CNTN6: variants seen among roughly 807,000 people sequenced by gnomAD.
The protein encoded by CNTN6 is contactin-6.
Under a neutral mutation model 122.8 loss-of-function variants are expected in CNTN6, and 137 were observed. That is an observed-to-expected ratio of 1.12 (90% CI 0.97 to 1.29). The LOEUF is 1.29. Ranked by LOEUF, CNTN6 falls within the 50% of genes most tolerant of loss-of-function variation. The pLI is 0.00. For synonymous variants in CNTN6, 570 were observed against 426.0 expected, an observed-to-expected ratio of 1.34 and a Z score of -4.16; for missense variants, 1,634 against 1,223.4, an observed-to-expected ratio of 1.34 and a Z score of -5.01.
Position 1,401,494 on chromosome 3 carries a change from C to G in CNTN6, c.2766C>G (p.Asn922Lys), listed in dbSNP as rs1452870148. Residue 922 changes from asparagine (N) to lysine (K), a missense_variant, in exon 21 of 23, where the codon AAC becomes AAG. Physicochemically the swap from Asn to Lys is moderately conservative, Grantham distance 94 (BLOSUM62 0). Transcript: ENST00000446702. ...WKLTNSKLCL[N>K]WEHVKTMENE... is the part of the protein sequence containing the mutation. Reference sequence around the variant, plus strand: ...TGACAAACTCTAAATTATGCTTGAACTGGGAGCATGTAAAAACCATGGAAA... The same window carrying G: ...TGACAAACTCTAAATTATGCTTGAAGTGGGAGCATGTAAAAACCATGGAAA... 6.2e-7 allele frequency: 1 copy of G among 1,612,028 alleles called. No homozygotes were observed. Among genetic ancestry groups the G allele is most frequent in the Non-Finnish European group, 8.5e-7 (1 of 1,178,652 alleles).
chr3:1,375,032 C>A (rs747145136), intron 16 of CNTN6, among the ~76,000 whole-genome samples: 1 of 151,940 alleles, frequency 6.6e-6, no homozygotes, highest in Non-Finnish European at 1.5e-5. Flanking sequence ...GTTTTGAATC[C>A]AAACCTCCTG....
chr3:1,364,929 A>T (rs1462056612), intron 12 of CNTN6, among the ~76,000 whole-genome samples: 4 of 151,986 alleles, frequency 2.6e-5, no homozygotes, highest in Admixed American at 2.0e-4. Context: ...GGTAAATATT[A>T]AAATTCTGTG....
chr3:1,383,326 A>AGAGT lies in CNTN6; in HGVS notation c.2436_2439dup (p.Phe814GlufsTer6). Reference sequence around the variant, plus strand: ...CTGGCCCCAAGGGGAACTTCTCTCCAGAGTTTTTCTGCTTCTGAAATGGAG... The same window carrying AGAGT: ...CTGGCCCCAAGGGGAACTTCTCTCCAGAGTGAGTTTTTCTGCTTCTGAAATGGAG... On this transcript the variant is annotated frameshift_variant, in exon 19 of 23. Transcript: ENST00000446702. LOFTEE classifies it high-confidence loss of function. The AGAGT allele has an allele frequency of 1.2e-6, 2 of 1,614,080 alleles. No individual in the cohort carries two copies. The highest frequency in any genetic ancestry group is 1.7e-6 in the Non-Finnish European group (2 of 1,179,926).
intron 1 of CNTN6, among the ~76,000 whole-genome samples, chr3:1,133,218 C>T (rs982270298): frequency 2.6e-5 from 4 of 152,046 alleles, no homozygotes; most frequent in African/African-American, 9.7e-5. Context: ...ATAAGGTCAT[C>T]GAATCTTGAC....
At chr3:1,286,682 T>C (rs1274531397) in intron 5 of CNTN6, among the ~76,000 whole-genome samples, 1 of 152,140 alleles carries the variant, frequency 6.6e-6, no homozygotes, top group Non-Finnish European at 1.5e-5. Flanking sequence ...TATTTCAATA[T>C]TAACCTTAAA....
chr3:1,392,362 G>C (rs1176701089), intron 20 of CNTN6, among the ~76,000 whole-genome samples: 1 of 152,118 alleles, frequency 6.6e-6, no homozygotes, highest in African/African-American at 2.4e-5. Context: ...TATGTAGAAA[G>C]CTGAAACTGG....
At chr3:1,149,592 CAT>C (rs1159106430) in intron 2 of CNTN6, among the ~76,000 whole-genome samples, 1 of 152,034 alleles carries the variant, frequency 6.6e-6, no homozygotes, top group Non-Finnish European at 1.5e-5. Flanking sequence ...CTAGAAGTGC[CAT>C]AGTTATATTT....
In CNTN6 at chr3:1,281,806, C is replaced by G. The variant is rs950690604; in HGVS notation, c.454+3298C>G. ...TGTCTTTTTCAACATAAACAGTCAG[C>G]AAGAATGAGTCTCACAGGGAGTTCG... is the stretch of plus-strand genomic sequence containing the variant. On this transcript the variant is annotated intron_variant, in intron 5 of 22. Coordinates refer to ENST00000446702, the MANE Select transcript of CNTN6 (RefSeq NM_001289080.2). Among the ~76,000 whole-genome samples the G allele has an allele frequency of 3.3e-5, 5 of 152,212 alleles. No individual in the cohort carries two copies. In the East Asian group the frequency reaches 9.6e-4, roughly 29 times the overall value.
In CNTN6 at chr3:1,369,201, C is replaced by T. The variant is rs73094923; in HGVS notation, c.1493-3098C>T. On this transcript the variant is annotated intron_variant, in intron 12 of 22. Transcript: ENST00000446702. The stretch of plus-strand genomic sequence containing the variant: ...CTTTTACTTCTCAGCGAAAACAGTT[C>T]TTTCTCCATAAACTGATCCCCTCAG... Among the ~76,000 whole-genome samples the T allele has an allele frequency of 1.2e-4, 19 of 152,270 alleles. No homozygotes were observed. In the South Asian group the frequency reaches 2.3e-3, roughly 18 times the overall value.
chr3:1,358,065 C>A (rs1052009630), intron 12 of CNTN6, among the ~76,000 whole-genome samples: 1 of 151,708 alleles, frequency 6.6e-6, no homozygotes, highest in African/African-American at 2.4e-5. Flanking sequence ...TAATAATTTT[C>A]TCACCATAGA....
At chr3:1,259,504 A>T (rs910024213) in intron 4 of CNTN6, among the ~76,000 whole-genome samples, 3 of 152,106 alleles carry the variant, frequency 2.0e-5, no homozygotes, top group African/African-American at 7.2e-5. Flanking sequence ...TTATTATTTA[A>T]ATGTAATTAT....
chr3:1,348,931 C>G (rs1471509722), intron 11 of CNTN6, among the ~76,000 whole-genome samples: 1 of 151,964 alleles, frequency 6.6e-6, no homozygotes, highest in Non-Finnish European at 1.5e-5. Context: ...GTCATAGCCT[C>G]CATAAATTTA....
chr3:1,389,282 T>C (rs916274937), intron 20 of CNTN6, among the ~76,000 whole-genome samples: 1 of 152,062 alleles, frequency 6.6e-6, no homozygotes, highest in Non-Finnish European at 1.5e-5. Context: ...GAAAACAATT[T>C]CAACCCAGAA....
intron 1 of CNTN6, among the ~76,000 whole-genome samples, chr3:1,124,458 A>G (rs1416400875): frequency 6.6e-6 from 1 of 151,832 alleles, no homozygotes; most frequent in Non-Finnish European, 1.5e-5. Flanking sequence ...TTGGCCTATT[A>G]TCTTCCACAC....
chr3:1,218,477 G>A (rs1457026075), intron 2 of CNTN6, among the ~76,000 whole-genome samples: 1 of 152,150 alleles, frequency 6.6e-6, no homozygotes, highest in African/African-American at 2.4e-5. Flanking sequence ...GTGAGGTGAG[G>A]AGGGAGGAAT....
chr3:1,208,487 T>C (rs2093988053), intron 2 of CNTN6, among the ~76,000 whole-genome samples: 1 of 152,160 alleles, frequency 6.6e-6, no homozygotes, highest in African/African-American at 2.4e-5. Context: ...AACCTCTAGG[T>C]AGAATTAATT....
At chr3:1,245,235 TAC>T (rs1197365732) in intron 4 of CNTN6, among the ~76,000 whole-genome samples, 4 of 6,914 alleles carry the variant, frequency 5.8e-4, no homozygotes, top group African/African-American at 3.0e-3. Context: ...TATATATATA[TAC>T]ACACACACAT....
chr3:1,297,618 C>A (rs67651395), intron 6 of CNTN6, among the ~76,000 whole-genome samples: 34,053 of 150,198 alleles, frequency 0.23, 3,963 homozygotes, highest in Non-Finnish European at 0.26. Flanking sequence ...CTGAAAACAT[C>A]CCGTTGTTGT....
At chr3:1,383,559 G>T in intron 19 of CNTN6, 151 bp downstream of exon 19, 1 of 617,222 alleles carries the variant, frequency 1.6e-6, no homozygotes, top group Non-Finnish European at 2.8e-6. Context: ...GACAGGGTAG[G>T]TGAGCCCCCA....
Sources: allele counts gnomAD v4.1 joint callset (sites outside exome capture counted in the v4.1 genomes callset), GRCh38; gene constraint gnomAD v4.1.1; transcripts MANE v1.5; gene names NCBI Gene and HGNC (gene_info 2026-07-23, HGNC 2026-07-21).